Variants in SHQ1 observed in about 807,000 individuals in gnomAD.
The protein encoded by SHQ1 is SHQ1, H/ACA ribonucleoprotein assembly factor.
In SHQ1, 49 loss-of-function variants were observed where a neutral mutation model predicts 53.8. The observed-to-expected ratio is 0.91, with a 90% CI of 0.72 to 1.16. SHQ1 has a LOEUF of 1.16. Ranked by LOEUF, SHQ1 falls within the 50% of genes most tolerant of loss-of-function variation. The probability of loss-of-function intolerance (pLI) is 0.00; values close to 1 mark genes in which losing one functional copy is unlikely to be tolerated. For missense variants in SHQ1, 738 were observed against 683.1 expected (o/e 1.08, Z -0.90); for synonymous variants, 243 against 251.0 (o/e 0.97, Z 0.30).
rs748260132 is a variant in SHQ1, at chr3:72,846,321, G to A, written c.143+1877C>T. ...TTCTTTTTTTTTTTTTTTTTAGACA[G>A]TCTCGCTCTGTTACTCAGGCTGGAG... On this transcript the variant is annotated intron_variant, in intron 1 of 10. Transcript: ENST00000325599. 13 of 1,490,326 alleles carry A rather than the reference G, an allele frequency of 8.7e-6. No homozygotes were observed. In the South Asian group the frequency reaches 1.3e-4, roughly 15 times the overall value. The allele number at this position is 1,490,326 out of a possible 1,614,324, so 92.3% of individuals were successfully genotyped here.
chr3:72,746,534 A>T (rs939239787), downstream of SHQ1, among the ~76,000 whole-genome samples: 1 of 152,238 alleles, frequency 6.6e-6, no homozygotes, highest in Non-Finnish European at 1.5e-5. Flanking sequence ...CCATGAACAA[A>T]GAAAGGGTAG....
downstream of SHQ1, among the ~76,000 whole-genome samples, chr3:72,745,966 G>C (rs181093257): frequency 2.0e-4 from 31 of 151,518 alleles, no homozygotes; most frequent in Admixed American, 1.1e-3. Context: ...CCTCAGCCTC[G>C]AGTAGCTGGG....
chr3:72,741,420 G>A, the SHQ1 span, among the ~76,000 whole-genome samples: 1 of 151,994 alleles, frequency 6.6e-6, no homozygotes, highest in African/African-American at 2.4e-5. Context: ...ACCCCATCTC[G>A]ACTAAAAATA....
intron 4 of SHQ1, among the ~76,000 whole-genome samples, chr3:72,838,667 T>C (rs1194047543): frequency 6.6e-6 from 1 of 152,134 alleles, no homozygotes; most frequent in African/African-American, 2.4e-5. Flanking sequence ...GCTCAGCTAA[T>C]TTTTGTATTT....
In SHQ1 at chr3:72,832,352, A is replaced by G; in HGVS notation, c.599+17T>C. 1.3e-6 allele frequency: 2 copies of G among 1,565,290 alleles called. No individual in the cohort carries two copies. The highest frequency in any genetic ancestry group is 1.8e-6 in the Non-Finnish European group (2 of 1,139,104). On this transcript the variant is annotated intron_variant, in intron 5 of 10. Transcript: ENST00000325599. ...TGTCAAGTAAATTATTTAATCCTCAAAAATCTCATTACTCACAGATAATGA... is the reference window on the plus strand; with the variant it reads ...TGTCAAGTAAATTATTTAATCCTCAGAAATCTCATTACTCACAGATAATGA...
chr3:72,797,138 G>GC (rs751904248), intron 9 of SHQ1, among the ~76,000 whole-genome samples: 6 of 151,756 alleles, frequency 4.0e-5, no homozygotes, highest in Non-Finnish European at 7.4e-5. Context: ...GGTGCCTGTA[G>GC]CCCCAGCTAC....
At chr3:72,751,504 GTGTGTATA>G (rs1349753504) in intron 10 of SHQ1, among the ~76,000 whole-genome samples, 1 of 118,144 alleles carries the variant, frequency 8.5e-6, no homozygotes, top group Non-Finnish European at 1.7e-5. Context: ...GTGTGTGTGT[GTGTGTATA>G]TATATATATA....
chr3:72,756,243 T>G (rs141672371), intron 10 of SHQ1, among the ~76,000 whole-genome samples: 80 of 152,198 alleles, frequency 5.3e-4, no homozygotes, highest in Non-Finnish European at 1.5e-4. Flanking sequence ...GCTGAGTTAC[T>G]AGTTATAGTA....
chr3:72,809,172 A>C (rs755105917), intron 9 of SHQ1, among the ~76,000 whole-genome samples: 1 of 152,118 alleles, frequency 6.6e-6, no homozygotes, highest in Non-Finnish European at 1.5e-5. Flanking sequence ...AGTGGAGGTA[A>C]GTGGTATGTC....
At chr3:72,818,939 A>G (rs1707395480) in intron 6 of SHQ1, among the ~76,000 whole-genome samples, 1 of 152,188 alleles carries the variant, frequency 6.6e-6, no homozygotes, top group African/African-American at 2.4e-5. Context: ...CAATCATGTG[A>G]GATTGGAAGA....
At chr3:72,835,102 G>A (rs867247470) in intron 4 of SHQ1, among the ~76,000 whole-genome samples, 2 of 145,882 alleles carry the variant, frequency 1.4e-5, no homozygotes, top group African/African-American at 5.2e-5. Context: ...TCCTCCATCA[G>A]CTTCTTTTTT....
intron 10 of SHQ1, among the ~76,000 whole-genome samples, chr3:72,764,298 T>C (rs1254649979): frequency 6.6e-6 from 1 of 152,108 alleles, no homozygotes; most frequent in African/African-American, 2.4e-5. Context: ...TCCTCCCGCC[T>C]TGGCCTTCCA....
chr3:72,743,713 G>A, the SHQ1 span, among the ~76,000 whole-genome samples: 4 of 152,282 alleles, frequency 2.6e-5, no homozygotes, highest in East Asian at 1.9e-4. Context: ...AACAAGTGTC[G>A]TCTGAAGGTG....
At chr3:72,774,754 G>C (rs993811409) in intron 10 of SHQ1, among the ~76,000 whole-genome samples, 35 of 152,288 alleles carry the variant, frequency 2.3e-4, no homozygotes, top group African/African-American at 8.2e-4. Flanking sequence ...CCAAAATGTA[G>C]AAGAAATAAA....
At chr3:72,745,877 C>CT (rs1705250531), downstream of SHQ1, among the ~76,000 whole-genome samples, 1 of 150,546 alleles carries the variant, frequency 6.6e-6, no homozygotes, top group Admixed American at 6.6e-5. Context: ...GAGCCTCACT[C>CT]TGTCGCCCAG....
intron 9 of SHQ1, among the ~76,000 whole-genome samples, chr3:72,800,548 A>T (rs1261145150): frequency 6.6e-6 from 1 of 152,244 alleles, no homozygotes; most frequent in Admixed American, 6.5e-5. Flanking sequence ...GTCAGTATTT[A>T]TCACCATGTG....
chr3:72,763,427 A>G (rs1705652140), intron 10 of SHQ1, among the ~76,000 whole-genome samples: 2 of 152,232 alleles, frequency 1.3e-5, no homozygotes, highest in African/African-American at 4.8e-5. Context: ...AGTGGAGGTC[A>G]GCCAACTAAA....
intron 9 of SHQ1, among the ~76,000 whole-genome samples, chr3:72,806,705 C>T (rs1706957781): frequency 6.6e-6 from 1 of 152,170 alleles, no homozygotes; most frequent in Non-Finnish European, 1.5e-5. Context: ...CTACACTATC[C>T]CATGAACCTC....
intron 9 of SHQ1, among the ~76,000 whole-genome samples, chr3:72,811,890 C>A (rs1258177171): frequency 6.6e-6 from 1 of 152,152 alleles, no homozygotes; most frequent in African/African-American, 2.4e-5. Flanking sequence ...TGATGAGTCT[C>A]CCCAGGGGGA....
Sources: allele counts gnomAD v4.1 joint callset (sites outside exome capture counted in the v4.1 genomes callset), GRCh38; gene constraint gnomAD v4.1.1; transcripts MANE v1.5; gene names NCBI Gene and HGNC (gene_info 2026-07-23, HGNC 2026-07-21).